MXD4: variants seen among roughly 807,000 people sequenced by gnomAD.
The protein encoded by MXD4 is MAX dimerization protein 4, also known as Mad4 homolog.
MXD4 carries 16 observed loss-of-function variants against 24.5 expected under a neutral mutation model. That is an observed-to-expected ratio of 0.65 (90% CI 0.44 to 0.99). MXD4 has a LOEUF of 0.99. MXD4 is among the 50% of genes least tolerant of loss of function. The pLI is 0.00. For missense variants in MXD4, 301 were observed against 301.5 expected, an observed-to-expected ratio of 1.00 and a Z score of 0.01; for synonymous variants, 164 against 134.2, an observed-to-expected ratio of 1.22 and a Z score of -1.54.
intron 5 of MXD4, 145 bp from the exon 6 acceptor site, chr4:2,250,846 G>C: frequency 8.1e-7 from 1 of 1,237,016 alleles, no homozygotes; most frequent in South Asian, 1.6e-5. Context: ...CGCCAGGAGG[G>C]CTCTGGCTGA....
Position 2,262,090 on chromosome 4 carries a change from C to G in MXD4, c.-110G>C. 4.5e-6 allele frequency: 2 copies of G among 446,492 alleles called. No homozygotes were observed. The highest frequency in any genetic ancestry group is 5.9e-6 in the Non-Finnish European group (2 of 337,212). 27.7% of individuals were successfully genotyped at this position (446,492 alleles called of 1,614,324 possible). On this transcript the variant is annotated 5_prime_UTR_variant, in exon 1 of 6. Transcript: ENST00000337190. Reference sequence around the variant, plus strand: ...CGCGCCCGGCCGCCGCACTTCCAGACTCCGCGGACTCCGGCGCTCGGCCGC... The same window carrying G: ...CGCGCCCGGCCGCCGCACTTCCAGAGTCCGCGGACTCCGGCGCTCGGCCGC...
chr4:2,252,499 A>T lies in MXD4; in HGVS notation c.218T>A (p.Leu73His), dbSNP rs1209930448. 6.2e-7 allele frequency: 1 copy of T among 1,612,158 alleles called. No homozygotes were observed. The highest frequency in any genetic ancestry group is 8.5e-7 in the Non-Finnish European group (1 of 1,179,818). The change falls in exon 4 of 6, where the codon CTT (leucine) becomes CAT (histidine). Residue 73 changes from leucine (L) to histidine (H), a missense_variant. Physicochemically the swap from Leu to His is moderately conservative, Grantham distance 99. Coordinates refer to ENST00000337190, the MANE Select transcript of MXD4 (RefSeq NM_006454.3). ...GGGCACCAGTTGCTTGAGCTGCTCA[A>T]GGTACAGCCTGAGTTTGGCTCGTCT... ...KHRRAKLRLY[L>H]EQLKQLVPLG...
chr4:2,254,532 A>G (rs1379952536), intron 3 of MXD4: 2 of 152,244 alleles, frequency 1.3e-5, no homozygotes, highest in Non-Finnish European at 2.9e-5. Context: ...CAATCAGAGA[A>G]AGACACGTTT....
chr4:2,258,027 G>A lies in MXD4; in HGVS notation c.165-16C>T, dbSNP rs2108790982. The A allele has an allele frequency of 6.2e-7, 1 of 1,613,548 alleles. No homozygotes were observed. The highest frequency in any genetic ancestry group is 8.5e-7 in the Non-Finnish European group (1 of 1,179,900). ...GTGTGAAGACCTGTTTAGAAAGACAGAAAGACAGAGCTCACTCTTCTGCCT... is the reference window on the plus strand; with the variant it reads ...GTGTGAAGACCTGTTTAGAAAGACAAAAAGACAGAGCTCACTCTTCTGCCT... On this transcript the variant is annotated splice_polypyrimidine_tract_variant and intron_variant, in intron 2 of 5. Transcript: ENST00000337190.
chr4:2,258,334 A>C (rs940511480), intron 2 of MXD4, among the ~76,000 whole-genome samples: 4 of 152,138 alleles, frequency 2.6e-5, no homozygotes, highest in African/African-American at 7.2e-5. Context: ...GCTTACAGGG[A>C]GGCCCAGAGC....
intron 5 of MXD4, 50 bp downstream of exon 5, chr4:2,251,034 A>G (rs1455599572): frequency 4.7e-6 from 7 of 1,485,990 alleles, no homozygotes; most frequent in Non-Finnish European, 4.5e-6. Flanking sequence ...GAGCTGCACC[A>G]CTGCGCACCC....
rs559864870 is a variant in MXD4 at position 2,250,211 on chromosome 4, C to T, written c.*333G>A. On this transcript the variant is annotated 3_prime_UTR_variant, in exon 6 of 6. Coordinates refer to ENST00000337190, the MANE Select transcript of MXD4 (RefSeq NM_006454.3). The stretch of plus-strand genomic sequence containing the variant: ...TGTGGTGGTCATTAAGCCCCTCACA[C>T]GGCACCTGCCGAGGTTTGCAGCAAT... 21 of 325,558 alleles carry T rather than the reference C, an allele frequency of 6.5e-5. No homozygotes were observed. The highest frequency in any genetic ancestry group is 4.8e-4 in the East Asian group (9 of 18,566). The allele number at this position is 325,558 out of a possible 1,614,324, so 20.2% of individuals were successfully genotyped here. A position where few individuals can be genotyped will look rare whatever the true frequency, so the allele number is the denominator to read the frequency against.
rs756050471 is a variant in MXD4, at chr4:2,252,565, G to C, written c.195-43C>G. 1.2e-5 allele frequency: 17 copies of C among 1,455,774 alleles called. No homozygotes were observed. The South Asian group carries it at 1.9e-4, about 16-fold the overall frequency. The allele number at this position is 1,455,774 out of a possible 1,614,324, so 90.2% of individuals were successfully genotyped here. ...AGAACCATCAGGCTGGGGTGGGGGA[G>C]GGCAGCAGGCAGTTTCCAGGGCCCT... On this transcript the variant is annotated intron_variant, in intron 3 of 5. Transcript: ENST00000337190.
intron 3 of MXD4, chr4:2,255,410 G>GT: frequency 2.2e-6 from 1 of 456,196 alleles, no homozygotes; most frequent in East Asian, 6.9e-5. Context: ...CCAAAACCCA[G>GT]TAACAGGTCC....
intron 2 of MXD4, 75 bp from the exon 3 acceptor site, chr4:2,258,086 G>A: frequency 6.3e-7 from 1 of 1,580,640 alleles, no homozygotes; most frequent in Non-Finnish European, 8.7e-7. Context: ...TGCTCTCCTA[G>A]GGGGCCAGGA....
At position 2,250,277 on chromosome 4, in the gene MXD4, G is replaced by C. The variant is rs1323848401; in HGVS notation, c.*267C>G. ...TGGAATGATTAGGAATCTGAGAACA[G>C]ACCGTGGGCGGCTATGCTGACCAGG... On this transcript the variant is annotated 3_prime_UTR_variant, in exon 6 of 6. Coordinates refer to ENST00000337190, the MANE Select transcript of MXD4 (RefSeq NM_006454.3). 1 of 550,454 alleles carries C rather than the reference G, an allele frequency of 1.8e-6. No individual in the cohort carries two copies. Among genetic ancestry groups the C allele is most frequent in the Non-Finnish European group, 3.2e-6 (1 of 309,634 alleles). 34.1% of individuals were successfully genotyped at this position (550,454 alleles called of 1,614,324 possible).
chr4:2,252,110 C>G (rs1488773872), intron 4 of MXD4, among the ~76,000 whole-genome samples: 1 of 152,168 alleles, frequency 6.6e-6, no homozygotes, highest in African/African-American at 2.4e-5. Flanking sequence ...AATCTGTCCC[C>G]CGACCTCCTC....
intron 3 of MXD4, among the ~76,000 whole-genome samples, chr4:2,256,658 C>G (rs1367435100): frequency 6.6e-6 from 1 of 152,144 alleles, no homozygotes; most frequent in Non-Finnish European, 1.5e-5. Context: ...GCCCACACAC[C>G]CCTCCTCTGT....
chr4:2,250,981 G>A (rs1046501174), intron 5 of MXD4, 103 bp downstream of exon 5: 1 of 1,366,744 alleles, frequency 7.3e-7, no homozygotes, highest in Non-Finnish European at 9.7e-7. Flanking sequence ...AGCTGGGAGG[G>A]TTCTCCCCAG....
rs994472204 is a variant in MXD4 at position 2,254,309 on chromosome 4, T to C, written c.195-1787A>G. On this transcript the variant is annotated intron_variant, in intron 3 of 5. Transcript: ENST00000337190. ...ACATCATGAATGTTAAGTGAAAAAT[T>C]AGAATACGGAACCACATAGGTGACA... 8.5e-5 allele frequency: 13 copies of C among 152,162 alleles called. 1 individual carries two copies. Among genetic ancestry groups the C allele is most frequent in the Non-Finnish European group, 1.6e-4 (11 of 68,030 alleles). 9.4% of individuals were successfully genotyped at this position (152,162 alleles called of 1,614,324 possible).
Position 2,250,374 on chromosome 4 carries a change from G to C in MXD4, c.*170C>G. 3.3e-6 allele frequency: 3 copies of C among 918,206 alleles called. No individual in the cohort carries two copies. Among genetic ancestry groups the C allele is most frequent in the Non-Finnish European group, 4.8e-6 (3 of 631,224 alleles). 56.9% of individuals were successfully genotyped at this position (918,206 alleles called of 1,614,324 possible). On this transcript the variant is annotated 3_prime_UTR_variant, in exon 6 of 6. Coordinates refer to ENST00000337190, the MANE Select transcript of MXD4 (RefSeq NM_006454.3). ...CCCAGCTGGAAGGGGCAGGCAGCTC[G>C]GCAGGCCCTGACCGGCAAGCGGGCA...
Position 2,250,669 on chromosome 4 carries a change from C to T in MXD4, c.505G>A (p.Gly169Ser), listed in dbSNP as rs1735301360. The T allele has an allele frequency of 6.2e-7, 1 of 1,613,604 alleles. No homozygotes were observed. The highest frequency in any genetic ancestry group is 1.1e-5 in the South Asian group (1 of 91,090). The part of the protein sequence containing the change: ...VDIEGMEFGP[G>S]ELDSVGSSSD... The stretch of plus-strand genomic sequence containing the variant: ...CTGCTGCCAACACTGTCCAGCTCAC[C>T]AGGGCCAAACTCCATGCCCTCTATG... Residue 169 changes from glycine (G) to serine (S), a missense_variant, in exon 6 of 6, where the codon GGT becomes AGT. Physicochemically the swap from Gly to Ser is moderately conservative, Grantham distance 56. Transcript: ENST00000337190.
chr4:2,259,840 C>T (rs1045790451), intron 2 of MXD4, among the ~76,000 whole-genome samples: 5 of 152,196 alleles, frequency 3.3e-5, no homozygotes, highest in Non-Finnish European at 7.4e-5. Flanking sequence ...AAGCACACTT[C>T]CCACAGAATG....
At chr4:2,254,426 G>A (rs1266787150) in intron 3 of MXD4, 1 of 152,196 alleles carries the variant, frequency 6.6e-6, no homozygotes, top group African/African-American at 2.4e-5. Context: ...GTCTCCAGGC[G>A]AAGCACCCGG....
Sources: allele counts gnomAD v4.1 joint callset (sites outside exome capture counted in the v4.1 genomes callset), GRCh38; gene constraint gnomAD v4.1.1; transcripts MANE v1.5; gene names NCBI Gene and HGNC (gene_info 2026-07-23, HGNC 2026-07-21).